The following PCDHGB1 variants were observed in gnomAD, a reference collection of about 807,000 sequenced individuals.
The protein encoded by PCDHGB1 is protocadherin gamma subfamily B, 1.
PCDHGB1 carries 34 observed loss-of-function variants against 56.6 expected under a neutral mutation model. The ratio of observed to expected loss-of-function variants is 0.60; its 90% confidence interval spans 0.46 to 0.80. The LOEUF (loss-of-function observed/expected upper bound fraction) is 0.80. Ranked by LOEUF, PCDHGB1 falls within the 30% of genes least tolerant of loss-of-function variation. The probability of loss-of-function intolerance (pLI) is 0.00; values close to 1 mark genes in which losing one functional copy is unlikely to be tolerated. For synonymous variants in PCDHGB1, 561 were observed against 505.9 expected (o/e 1.11, Z -1.46); for missense variants, 1,278 against 1,204.6 (o/e 1.06, Z -0.90).
intron 2 of PCDHGB1, among the ~76,000 whole-genome samples, 177 bp from the exon 3 acceptor site, chr5:141,505,216 T>C (rs547855353): frequency 1.1e-4 from 17 of 152,234 alleles, no homozygotes; most frequent in Non-Finnish European, 2.9e-5. Context: ...AGGGACTGAC[T>C]TGTGGGATTC....
intron 1 of PCDHGB1, among the ~76,000 whole-genome samples, chr5:141,464,882 A>T (rs1418376370): frequency 6.6e-6 from 1 of 151,918 alleles, no homozygotes; most frequent in Middle Eastern, 3.2e-3. Context: ...AGGACTACAG[A>T]TGGATGCCAC....
intron 1 of PCDHGB1, among the ~76,000 whole-genome samples, chr5:141,373,736 A>G (rs1260777730): frequency 6.6e-6 from 1 of 152,226 alleles, no homozygotes. Flanking sequence ...TAAATGCTTC[A>G]TTATCTTGGG....
intron 1 of PCDHGB1, among the ~76,000 whole-genome samples, chr5:141,454,491 C>T (rs956727548): frequency 6.6e-6 from 1 of 152,194 alleles, no homozygotes; most frequent in South Asian, 2.1e-4. Context: ...ACCGCAACCT[C>T]CACCTCCTGG....
rs753022372 is a variant in PCDHGB1, at chr5:141,350,463, C to T, written c.203C>T (p.Ala68Val). The change falls in exon 1 of 4, where the codon GCA (alanine) becomes GTA (valine). Residue 68 changes from alanine to valine, a missense_variant. Transcript: ENST00000523390. ...ELPTRKLRVS[A>V]EDYFNVSLES... ...CCAACTCGAAAACTGCGGGTTAGTG[C>T]AGAGGATTATTTCAACGTTAGTTTG... 1.9e-6 allele frequency: 3 copies of T among 1,613,812 alleles called. No homozygotes were observed. In the South Asian group the frequency reaches 3.3e-5, roughly 18 times the overall value.
intron 1 of PCDHGB1, among the ~76,000 whole-genome samples, chr5:141,407,531 T>C (rs757019162): frequency 3.3e-5 from 5 of 151,462 alleles, no homozygotes; most frequent in South Asian, 2.1e-4. Context: ...TAACTTATTG[T>C]GCATTGGTAA....
chr5:141,389,843 G>A lies in PCDHGB1; in HGVS notation c.2409+37174G>A, dbSNP rs372102656. On this transcript the variant is annotated intron_variant, in intron 1 of 3. Transcript: ENST00000523390. ...GTGACGGTGGACAGCCACCACTCTC[G>A]GCCACTGCCACGTTGCACCTGGTCT... is the stretch of plus-strand genomic sequence containing the variant. The A allele has an allele frequency of 3.7e-6, 6 of 1,613,898 alleles. 1 individual carries two copies. The highest frequency in any genetic ancestry group is 2.7e-5 in the African/African-American group (2 of 74,948).
At chr5:141,509,411 AGCC>A (rs2099876675) in intron 3 of PCDHGB1, among the ~76,000 whole-genome samples, 2 of 152,098 alleles carry the variant, frequency 1.3e-5, no homozygotes, top group Admixed American at 1.3e-4. Flanking sequence ...TCCAGCAGCG[AGCC>A]CCAATGAGTC....
intron 1 of PCDHGB1, chr5:141,403,871 C>T: frequency 1.2e-6 from 2 of 1,613,602 alleles, no homozygotes; most frequent in Admixed American, 1.7e-5. Flanking sequence ...AGCAAAAAGT[C>T]TAGATTATGA....
chr5:141,474,847 GCCTTCT>G (rs906863967), intron 1 of PCDHGB1, among the ~76,000 whole-genome samples: 3 of 152,198 alleles, frequency 2.0e-5, no homozygotes, highest in African/African-American at 7.2e-5. Context: ...CACTTTACCT[GCCTTCT>G]TCATTTAATA....
At chr5:141,407,497 G>GTTTTTTTTTTTTTTTT (rs1554102286) in intron 1 of PCDHGB1, among the ~76,000 whole-genome samples, 1 of 151,966 alleles carries the variant, frequency 6.6e-6, no homozygotes, top group Non-Finnish European at 1.5e-5. Flanking sequence ...CTTTATTTCT[G>GTTTTTTTTTTTTTTTT]TTTTTCTTAG....
intron 1 of PCDHGB1, chr5:141,400,237 A>C (rs1375797222): frequency 3.7e-6 from 6 of 1,613,750 alleles, no homozygotes; most frequent in African/African-American, 1.3e-5. Flanking sequence ...CCTGGCCGTG[A>C]TTCTGGCCGT....
In PCDHGB1 at chr5:141,371,335, G is replaced by T. The variant is rs374653658; in HGVS notation, c.2409+18666G>T. 25 of 1,613,822 alleles carry T rather than the reference G, an allele frequency of 1.5e-5. No individual in the cohort carries two copies. In the African/African-American group the frequency reaches 3.2e-4, roughly 21 times the overall value. The stretch of plus-strand genomic sequence containing the variant: ...GAACTGGACTTTGAAGAGAGAGATA[G>T]CTACACAATTGGGGTGGAAGCAAAG... On this transcript the variant is annotated intron_variant, in intron 1 of 3. Coordinates refer to ENST00000523390, the MANE Select transcript of PCDHGB1 (RefSeq NM_018922.3).
At chr5:141,389,169 C>T in intron 1 of PCDHGB1, 2 of 1,614,028 alleles carry the variant, frequency 1.2e-6, no homozygotes, top group Non-Finnish European at 1.7e-6. Context: ...GGGCAAGCCT[C>T]CCCTCTCCTC....
chr5:141,437,728 A>T (rs1236819934), intron 1 of PCDHGB1, among the ~76,000 whole-genome samples: 1 of 150,908 alleles, frequency 6.6e-6, no homozygotes, highest in Non-Finnish European at 1.5e-5. Context: ...CTAATGTTAC[A>T]CTTTGAGTTC....
intron 1 of PCDHGB1, among the ~76,000 whole-genome samples, chr5:141,468,754 T>C (rs1205525962): frequency 6.6e-6 from 1 of 152,036 alleles, no homozygotes; most frequent in Admixed American, 6.6e-5. Flanking sequence ...TAGTCCCAGC[T>C]ACTCGGGAGG....
intron 1 of PCDHGB1, chr5:141,408,336 C>T: frequency 6.2e-7 from 1 of 1,613,910 alleles, no homozygotes; most frequent in Non-Finnish European, 8.5e-7. Flanking sequence ...GCCAAGGGCT[C>T]GGTGGTGGGG....
chr5:141,410,682 C>T (rs1589771736), intron 1 of PCDHGB1: 2 of 1,531,954 alleles, frequency 1.3e-6, no homozygotes, highest in South Asian at 1.2e-5. Context: ...ATATTTTAGG[C>T]ATACTACTTT....
At chr5:141,356,862 C>A (rs767656951) in intron 1 of PCDHGB1, 1 of 1,614,204 alleles carries the variant, frequency 6.2e-7, no homozygotes, top group Admixed American at 1.7e-5. Flanking sequence ...TTGTGCTGGA[C>A]CAGAACGACA....
intron 1 of PCDHGB1, chr5:141,413,664 T>A: frequency 6.2e-7 from 1 of 1,613,858 alleles, no homozygotes; most frequent in Non-Finnish European, 8.5e-7. Flanking sequence ...AAGCTATTGA[T>A]CCGGATGTGG....
Sources: gnomAD v4.1 joint callset for allele counts (sites outside exome capture counted in the v4.1 genomes callset) on GRCh38, gnomAD v4.1.1 for gene constraint, MANE v1.5 for transcripts, NCBI Gene and HGNC (gene_info 2026-07-23, HGNC 2026-07-21) for gene names.